Variants in CNTN1 observed in about 807,000 individuals in gnomAD.
CNTN1 encodes contactin-1.
In CNTN1, 38 loss-of-function variants were observed where a neutral mutation model predicts 126.4. The ratio of observed to expected loss-of-function variants is 0.30; its 90% CI spans 0.23 to 0.39. The LOEUF (loss-of-function observed/expected upper bound fraction) is 0.39, where lower values mean the gene tolerates loss of function less well. CNTN1 is among the 10% of genes least tolerant of loss of function. The pLI is 1.00. For missense variants in CNTN1, 1,009 were observed against 1,248.4 expected, an observed-to-expected ratio of 0.81 and a Z score of 2.89; for synonymous variants, 413 against 422.6, an observed-to-expected ratio of 0.98 and a Z score of 0.28.
intron 1 of CNTN1, among the ~76,000 whole-genome samples, chr12:40,826,610 T>A (rs1941620702): frequency 6.6e-6 from 1 of 152,168 alleles, no homozygotes; most frequent in Non-Finnish European, 1.5e-5. Context: ...CACTTCAACA[T>A]CTCTGAAGTC....
intron 1 of CNTN1, among the ~76,000 whole-genome samples, chr12:40,816,610 T>C (rs970325154): frequency 2.0e-5 from 3 of 149,334 alleles, no homozygotes; most frequent in African/African-American, 7.7e-5. Flanking sequence ...AATTCATTGA[T>C]TTTTTTGAAG....
chr12:40,999,374 T>G (rs1032881626), intron 17 of CNTN1, among the ~76,000 whole-genome samples: 1 of 152,234 alleles, frequency 6.6e-6, no homozygotes, highest in Non-Finnish European at 1.5e-5. Context: ...GTGTAAAGAA[T>G]GTCTAGTTTG....
intron 22 of CNTN1, 50 bp from the exon 23 acceptor site, chr12:41,029,013 G>A (rs1381970691): frequency 6.5e-7 from 1 of 1,550,040 alleles, no homozygotes; most frequent in Non-Finnish European, 8.9e-7. Flanking sequence ...TTAGAGCATT[G>A]GCTCATTATT....
At position 40,754,266 on chromosome 12, in the gene CNTN1, A is replaced by T. The variant is rs148634745; in HGVS notation, c.-77+61674A>T. Reference sequence around the variant, plus strand: ...TATACTACTGGCTATCCCTATAGTCATCCCTTGTATCTACAGGGAAATTGA... The same window carrying T: ...TATACTACTGGCTATCCCTATAGTCTTCCCTTGTATCTACAGGGAAATTGA... On this transcript the variant is annotated intron_variant, in intron 1 of 23. Transcript: ENST00000551295. 3.6e-3 allele frequency among the ~76,000 whole-genome samples: 553 copies of T among 152,184 alleles called. 13 individuals are homozygous for T. The highest frequency in any genetic ancestry group is 0.014 in the East Asian group (71 of 5,184).
intron 23 of CNTN1, among the ~76,000 whole-genome samples, chr12:41,057,281 A>C (rs1271352264): frequency 6.7e-6 from 1 of 149,146 alleles, no homozygotes; most frequent in Non-Finnish European, 1.5e-5. Flanking sequence ...TATTTCCTCT[A>C]AAGAAAGAGC....
chr12:41,012,801 A>T lies in CNTN1; in HGVS notation c.2114-1427A>T, dbSNP rs1225361264. 2.0e-5 allele frequency among the ~76,000 whole-genome samples: 3 copies of T among 152,288 alleles called. No homozygotes were observed. In the East Asian group the frequency reaches 5.8e-4, roughly 30 times the overall value. On this transcript the variant is annotated intron_variant, in intron 17 of 23. Transcript: ENST00000551295. The stretch of plus-strand genomic sequence containing the variant: ...CAATAGCCTCTGAATGAAAGGACAG[A>T]GTTGGAGTCTGCTCCTCTACTCATT...
At chr12:40,939,589 ATT>A (rs34686634) in intron 12 of CNTN1, 104 bp downstream of exon 12, 13 of 1,249,696 alleles carry the variant, frequency 1.0e-5, no homozygotes, top group South Asian at 2.7e-5. Context: ...TTTGCTCTGA[ATT>A]TTTTTTTTCA....
intron 15 of CNTN1, among the ~76,000 whole-genome samples, chr12:40,967,551 G>T (rs1462369038): frequency 6.6e-6 from 1 of 152,106 alleles, no homozygotes; most frequent in Non-Finnish European, 1.5e-5. Context: ...CAGGGAGACA[G>T]TAGGAAAGCT....
At chr12:40,845,633 A>C (rs1942471002) in intron 1 of CNTN1, among the ~76,000 whole-genome samples, 1 of 152,106 alleles carries the variant, frequency 6.6e-6, no homozygotes, top group Non-Finnish European at 1.5e-5. Flanking sequence ...GAGAGCTGGA[A>C]ATTTCATTTC....
chr12:40,870,570 G>T (rs1262729739), intron 1 of CNTN1, among the ~76,000 whole-genome samples: 1 of 152,090 alleles, frequency 6.6e-6, no homozygotes, highest in African/African-American at 2.4e-5. Flanking sequence ...GTCCTGGGCA[G>T]CACTTTCTGG....
rs1364747345 is a variant in CNTN1 at position 40,936,848 on chromosome 12, T to C, written c.1053T>C (p.Pro351=). Residue 351 remains proline (P), a synonymous_variant, in exon 10 of 24, where the codon CCT becomes CCC. Coordinates refer to ENST00000551295, the MANE Select transcript of CNTN1 (RefSeq NM_001843.4). ...EVDIGSDLYW[P]CVATGKPIPT... ...ACATAGGCAGTGATCTCTACTGGCCTTGTGTGGCCACAGGAAAGCCCATCC... is the reference window on the plus strand; with the variant it reads ...ACATAGGCAGTGATCTCTACTGGCCCTGTGTGGCCACAGGAAAGCCCATCC... The C allele has an allele frequency of 1.2e-6, 2 of 1,613,218 alleles. No individual in the cohort carries two copies. The highest frequency in any genetic ancestry group is 1.7e-6 in the Non-Finnish European group (2 of 1,179,436).
intron 19 of CNTN1, among the ~76,000 whole-genome samples, chr12:41,019,624 T>A (rs1357173892): frequency 6.6e-6 from 1 of 152,182 alleles, no homozygotes; most frequent in Non-Finnish European, 1.5e-5. Context: ...ATAAGGGATG[T>A]CAGTTACTTT....
intron 1 of CNTN1, among the ~76,000 whole-genome samples, chr12:40,836,770 A>G (rs1341030367): frequency 6.6e-6 from 1 of 152,206 alleles, no homozygotes; most frequent in Non-Finnish European, 1.5e-5. Flanking sequence ...AAAAAGATAC[A>G]TGTATTTAAT....
intron 1 of CNTN1, among the ~76,000 whole-genome samples, chr12:40,822,106 C>T (rs892823431): frequency 4.6e-4 from 65 of 141,954 alleles, no homozygotes; most frequent in African/African-American, 1.6e-3. Context: ...TTATATACTT[C>T]TCAATGTTTT....
At chr12:41,043,159 TTAAAC>T (rs1483650886) in intron 23 of CNTN1, among the ~76,000 whole-genome samples, 4 of 152,126 alleles carry the variant, frequency 2.6e-5, no homozygotes, top group Non-Finnish European at 5.9e-5. Context: ...TGGGATCTAA[TTAAAC>T]TAAAGAGCTC....
chr12:40,956,524 G>T (rs965717638), intron 14 of CNTN1, among the ~76,000 whole-genome samples: 2 of 151,986 alleles, frequency 1.3e-5, no homozygotes, highest in Non-Finnish European at 2.9e-5. Flanking sequence ...GATAGGGGAG[G>T]GGGTATTGAG....
At chr12:40,739,441 G>A (rs955021433) in intron 1 of CNTN1, among the ~76,000 whole-genome samples, 1 of 151,944 alleles carries the variant, frequency 6.6e-6, no homozygotes, top group African/African-American at 2.4e-5. Flanking sequence ...AACAATTTCA[G>A]GATATTTCTA....
intron 2 of CNTN1, 129 bp from the exon 3 acceptor site, chr12:40,909,944 T>C: frequency 1.4e-6 from 1 of 699,636 alleles, no homozygotes; most frequent in Non-Finnish European, 2.6e-6. Context: ...GTGAAGATAC[T>C]TCAACCTTTA....
At position 40,768,927 on chromosome 12, in the gene CNTN1, T is replaced by A. The variant is rs4768308; in HGVS notation, c.-77+76335T>A. ...TATTATACATAAGAATCTTTTATTTTTATGTTATTGCATATGTTCATATAT... is the reference window on the plus strand; with the variant it reads ...TATTATACATAAGAATCTTTTATTTATATGTTATTGCATATGTTCATATAT... On this transcript the variant is annotated intron_variant, in intron 1 of 23. Coordinates refer to ENST00000551295, the MANE Select transcript of CNTN1 (RefSeq NM_001843.4). Among the ~76,000 whole-genome samples the A allele has an allele frequency of 2.7e-4, 41 of 152,188 alleles. 1 individual carries two copies. In the South Asian group the frequency reaches 8.5e-3, roughly 32 times the overall value.
Sources: gnomAD v4.1 joint callset for allele counts (sites outside exome capture counted in the v4.1 genomes callset) on GRCh38, gnomAD v4.1.1 for gene constraint, MANE v1.5 for transcripts, NCBI Gene and HGNC (gene_info 2026-07-23, HGNC 2026-07-21) for gene names.